The following MINDY3 variants were observed in gnomAD, a reference collection of about 807,000 sequenced individuals.
MINDY3 encodes the protein MINDY lysine 48 deubiquitinase 3, also known as ubiquitin carboxyl-terminal hydrolase MINDY-3.
MINDY3 carries 38 observed loss-of-function variants against 69.2 expected under a neutral mutation model. That is an observed-to-expected ratio of 0.55 (90% CI 0.42 to 0.72). The LOEUF (loss-of-function observed/expected upper bound fraction) is 0.72. Among genes scored for constraint, MINDY3 ranks in the 30% least tolerant of loss-of-function variants. MINDY3 has a pLI of 0.00. For missense variants in MINDY3, 522 were observed against 519.0 expected, an observed-to-expected ratio of 1.01 and a Z score of -0.06; for synonymous variants, 192 against 180.1, an observed-to-expected ratio of 1.07 and a Z score of -0.53.
intron 3 of MINDY3, among the ~76,000 whole-genome samples, chr10:15,842,138 T>C (rs945046505): frequency 1.3e-5 from 2 of 151,820 alleles, no homozygotes; most frequent in African/African-American, 4.8e-5. Flanking sequence ...AGCATTAGAA[T>C]TTTATAGAAA....
At chr10:15,788,996 A>G (rs1837202553) in intron 12 of MINDY3, 1 of 322,856 alleles carries the variant, frequency 3.1e-6, no homozygotes, top group African/African-American at 2.1e-5. Context: ...TTTAAAGTTT[A>G]TAGAAAGACA....
chr10:15,843,203 C>A lies in MINDY3; in HGVS notation c.235+9G>T. Reference sequence around the variant, plus strand: ...AGGAAGCAAAAGTTTTAAAAGACAGCTATCATACCTGAACAATCCCGCCAA... The same window carrying A: ...AGGAAGCAAAAGTTTTAAAAGACAGATATCATACCTGAACAATCCCGCCAA... On this transcript the variant is annotated intron_variant, in intron 3 of 14. Coordinates refer to ENST00000277632, the MANE Select transcript of MINDY3 (RefSeq NM_024948.4). 1.2e-6 allele frequency: 2 copies of A among 1,609,494 alleles called. No homozygotes were observed. Among genetic ancestry groups the A allele is most frequent in the Non-Finnish European group, 1.7e-6 (2 of 1,176,556 alleles).
At position 15,837,236 on chromosome 10, in the gene MINDY3, A is replaced by C; in HGVS notation, c.544T>G (p.Leu182Val). ...YSMWGNKFGV[L>V]LFLYSVLLTK... is the part of the protein sequence containing the mutation. The stretch of plus-strand genomic sequence containing the variant: ...AGTAATACAGAATACAGAAAAAGCA[A>C]TACTCCAAATTTATTTCCCCACATT... The change falls in exon 6 of 15, where the codon TTG becomes GTG. Residue 182 changes from leucine to valine, a missense_variant. Leu to Val is a conservative substitution (Grantham distance 32, BLOSUM62 1). Coordinates refer to ENST00000277632, the MANE Select transcript of MINDY3 (RefSeq NM_024948.4). 1 of 1,605,938 alleles carries C rather than the reference A, an allele frequency of 6.2e-7. No homozygotes were observed.
intron 1 of MINDY3, among the ~76,000 whole-genome samples, chr10:15,856,352 A>G (rs372006386): frequency 5.3e-5 from 8 of 151,584 alleles, no homozygotes; most frequent in Admixed American, 2.0e-4. Context: ...ATTGTGCTAC[A>G]CTGAAAGCCC....
At chr10:15,820,468 T>C (rs1490189189) in intron 9 of MINDY3, among the ~76,000 whole-genome samples, 1 of 152,084 alleles carries the variant, frequency 6.6e-6, no homozygotes, top group African/African-American at 2.4e-5. Flanking sequence ...CCCGCCTCCA[T>C]GCTTAACTTT....
intron 2 of MINDY3, among the ~76,000 whole-genome samples, chr10:15,845,941 G>A (rs1217496740): frequency 6.8e-6 from 1 of 146,178 alleles, no homozygotes; most frequent in Admixed American, 7.1e-5. Flanking sequence ...TCCTGCATCA[G>A]TTTCCCGAGT....
intron 1 of MINDY3, 147 bp from the exon 2 acceptor site, chr10:15,848,090 GA>G (rs1224634073): frequency 2.5e-5 from 16 of 645,612 alleles, no homozygotes; most frequent in South Asian, 4.2e-5. Flanking sequence ...GGAACCTTTT[GA>G]AAAAAAAATC....
At chr10:15,801,222 G>C (rs1342824099) in intron 10 of MINDY3, among the ~76,000 whole-genome samples, 1 of 152,278 alleles carries the variant, frequency 6.6e-6, no homozygotes, top group Non-Finnish European at 1.5e-5. Context: ...GTAAGGAAGA[G>C]AAGGAAGCAC....
Position 15,825,398 on chromosome 10 carries a change from C to T in MINDY3, c.731-3672G>A, listed in dbSNP as rs965650688. Among the ~76,000 whole-genome samples, 7 of 152,202 alleles carry T rather than the reference C, an allele frequency of 4.6e-5. No individual in the cohort carries two copies. The East Asian group carries it at 7.7e-4, about 17-fold the overall frequency. On this transcript the variant is annotated intron_variant, in intron 8 of 14. Transcript: ENST00000277632. ...ATTTACTATCTTTTATTATCAGAGA[C>T]GGTGTCTTGCCTTCTTGCCCAGGTT...
At chr10:15,807,864 T>C (rs1346459362) in intron 10 of MINDY3, among the ~76,000 whole-genome samples, 1 of 151,842 alleles carries the variant, frequency 6.6e-6, no homozygotes, top group Non-Finnish European at 1.5e-5. Flanking sequence ...AGGCAAAGAG[T>C]ACATAAGGGT....
intron 12 of MINDY3, chr10:15,788,960 G>A (rs1273422220): frequency 8.2e-6 from 2 of 244,208 alleles, no homozygotes; most frequent in Non-Finnish European, 1.6e-5. Context: ...ATTTTAAGAC[G>A]TGGGGAAGTG....
At chr10:15,784,885 G>A (rs954945692) in intron 13 of MINDY3, among the ~76,000 whole-genome samples, 1 of 152,058 alleles carries the variant, frequency 6.6e-6, no homozygotes, top group African/African-American at 2.4e-5. Context: ...GGGCATGATC[G>A]GAAAAGATCT....
At chr10:15,812,131 G>A (rs1839044514) in intron 10 of MINDY3, among the ~76,000 whole-genome samples, 1 of 151,868 alleles carries the variant, frequency 6.6e-6, no homozygotes, top group African/African-American at 2.4e-5. Context: ...TAGTAGAGAT[G>A]GGTTTTGCCA....
Position 15,779,145 on chromosome 10 carries a change from T to C in MINDY3, c.1189-4A>G. 6.2e-7 allele frequency: 1 copy of C among 1,610,300 alleles called. No homozygotes were observed. Among genetic ancestry groups the C allele is most frequent in the Non-Finnish European group, 8.5e-7 (1 of 1,178,156 alleles). ...CAGTCCCTTCTACGTACATGACCTGTTGAACAAAATAAAGCCACCAAGGTC... is the reference window on the plus strand; with the variant it reads ...CAGTCCCTTCTACGTACATGACCTGCTGAACAAAATAAAGCCACCAAGGTC... On this transcript the variant is annotated splice_polypyrimidine_tract_variant and splice_region_variant and intron_variant, in intron 14 of 14. Transcript: ENST00000277632.
intron 2 of MINDY3, among the ~76,000 whole-genome samples, chr10:15,847,046 G>T (rs867610075): frequency 6.6e-6 from 1 of 151,896 alleles, no homozygotes; most frequent in Non-Finnish European, 1.5e-5. Flanking sequence ...AATACCCAAT[G>T]AATAATAAAT....
At chr10:15,803,734 CTATCTT>C (rs146848572) in intron 10 of MINDY3, among the ~76,000 whole-genome samples, 2,279 of 152,198 alleles carry the variant, frequency 0.015, 48 homozygotes, top group African/African-American at 0.049. Flanking sequence ...ACATGCTACT[CTATCTT>C]TACTTCCAAG....
chr10:15,834,628 G>T lies in MINDY3; in HGVS notation c.577-12C>A. On this transcript the variant is annotated splice_polypyrimidine_tract_variant and intron_variant, in intron 6 of 14. Coordinates refer to ENST00000277632, the MANE Select transcript of MINDY3 (RefSeq NM_024948.4). ...ATGTTTTCAATGCCCTAAAGAAACA[G>T]AATTCATTGACTTATTTTAAAAAAC... is the stretch of plus-strand genomic sequence containing the variant. 1 of 1,584,610 alleles carries T rather than the reference G, an allele frequency of 6.3e-7. No homozygotes were observed. The highest frequency in any genetic ancestry group is 8.7e-7 in the Non-Finnish European group (1 of 1,155,404).
intron 4 of MINDY3, 126 bp from the exon 5 acceptor site, chr10:15,838,405 C>T: frequency 2.9e-6 from 2 of 690,404 alleles, no homozygotes; most frequent in Non-Finnish European, 4.4e-6. Flanking sequence ...TTAAAATTCT[C>T]AGTTTATTTT....
intron 13 of MINDY3, among the ~76,000 whole-genome samples, chr10:15,783,570 C>T (rs1212314227): frequency 6.6e-6 from 1 of 152,130 alleles, no homozygotes; most frequent in African/African-American, 2.4e-5. Context: ...TTTTTTACTA[C>T]ACTGGAACTT....
Sources: allele counts gnomAD v4.1 joint callset (sites outside exome capture counted in the v4.1 genomes callset), GRCh38; gene constraint gnomAD v4.1.1; transcripts MANE v1.5; gene names NCBI Gene and HGNC (gene_info 2026-07-23, HGNC 2026-07-21).